PGBD5: variants seen among roughly 807,000 people sequenced by gnomAD.
PGBD5 encodes the protein piggyBac transposable element-derived protein 5.
Under a neutral mutation model 47.9 loss-of-function variants are expected in PGBD5, and 14 were observed. The observed-to-expected ratio is 0.29, with a 90% CI of 0.19 to 0.46. The LOEUF is 0.46. Ranked by LOEUF, PGBD5 falls within the 20% of genes least tolerant of loss-of-function variation. The probability of loss-of-function intolerance (pLI) is 1.00; values close to 1 mark genes in which losing one functional copy is unlikely to be tolerated. For missense variants in PGBD5, 635 were observed against 716.0 expected, an observed-to-expected ratio of 0.89 and a Z score of 1.29; for synonymous variants, 316 against 306.3, an observed-to-expected ratio of 1.03 and a Z score of -0.33.
chr1:230,403,175 C>G (rs1162523532), intron 1 of PGBD5, among the ~76,000 whole-genome samples: 2 of 152,214 alleles, frequency 1.3e-5, no homozygotes, highest in Non-Finnish European at 2.9e-5. Flanking sequence ...CCAAAGCACA[C>G]CCCATTCAAT....
chr1:230,341,378 T>C (rs916932366), intron 3 of PGBD5, among the ~76,000 whole-genome samples: 3 of 152,198 alleles, frequency 2.0e-5, no homozygotes, highest in Admixed American at 6.5e-5. Context: ...AGGTAGTAAC[T>C]TGTTTCCCTT....
chr1:230,383,746 G>T (rs1006308132), intron 1 of PGBD5, among the ~76,000 whole-genome samples: 2 of 152,224 alleles, frequency 1.3e-5, no homozygotes, highest in Non-Finnish European at 2.9e-5. Flanking sequence ...AGCACTGGGA[G>T]CCAGTGGCTT....
intron 1 of PGBD5, among the ~76,000 whole-genome samples, chr1:230,403,315 T>C (rs1014765589): frequency 1.3e-5 from 2 of 152,238 alleles, no homozygotes; most frequent in African/African-American, 4.8e-5. Flanking sequence ...CTGTCAATGT[T>C]TACTCTTTTC....
rs553127190 is a variant in PGBD5 at position 230,392,057 on chromosome 1, A to T, written c.331+33541T>A. 2.6e-5 allele frequency among the ~76,000 whole-genome samples: 4 copies of T among 152,344 alleles called. No homozygotes were observed. The South Asian group carries it at 8.3e-4, about 32-fold the overall frequency. Reference sequence around the variant, plus strand: ...AAAGGCTGGACCGAGGCTTACTAGGACTGTGAAGCTTCACTACCAGATCTC... The same window carrying T: ...AAAGGCTGGACCGAGGCTTACTAGGTCTGTGAAGCTTCACTACCAGATCTC... On this transcript the variant is annotated intron_variant, in intron 1 of 6. Transcript: ENST00000391860.
chr1:230,364,454 T>C (rs746679664), intron 1 of PGBD5, among the ~76,000 whole-genome samples: 9 of 152,226 alleles, frequency 5.9e-5, no homozygotes, highest in Non-Finnish European at 1.3e-4. Flanking sequence ...TTAGAAAACA[T>C]GCAGAAACTG....
Position 230,317,096 on chromosome 1 carries a change from C to A in PGBD5, c.*6329G>T, listed in dbSNP as rs1204210371. 6.6e-6 allele frequency: 1 copy of A among 152,270 alleles called. No individual in the cohort carries two copies. Among genetic ancestry groups the A allele is most frequent in the Non-Finnish European group, 1.5e-5 (1 of 68,108 alleles). 9.4% of individuals were successfully genotyped at this position (152,270 alleles called of 1,614,324 possible). On this transcript the variant is annotated 3_prime_UTR_variant, in exon 7 of 7. Transcript: ENST00000391860. The stretch of plus-strand genomic sequence containing the variant: ...CCAGCAGCAATGGTGACTGCCACCT[C>A]CCCCACACGGGGTCTCGGCCTCTGG...
chr1:230,360,085 G>A (rs543544204), intron 1 of PGBD5, among the ~76,000 whole-genome samples: 8 of 152,232 alleles, frequency 5.3e-5, no homozygotes, highest in Non-Finnish European at 1.2e-4. Context: ...TGCTCAAAGA[G>A]GAGGAAAACC....
chr1:230,417,405 C>A (rs942060388), intron 1 of PGBD5, among the ~76,000 whole-genome samples: 6 of 152,172 alleles, frequency 3.9e-5, no homozygotes, highest in African/African-American at 1.4e-4. Context: ...ACATCCATGC[C>A]TGAACCTGGA....
chr1:230,374,761 A>G (rs1483561107), intron 1 of PGBD5, among the ~76,000 whole-genome samples: 1 of 152,236 alleles, frequency 6.6e-6, no homozygotes, highest in Admixed American at 6.5e-5. Flanking sequence ...TTCATTTGCA[A>G]AACCAGAGAG....
intron 1 of PGBD5, among the ~76,000 whole-genome samples, chr1:230,367,271 G>A (rs1018281093): frequency 6.6e-6 from 1 of 152,170 alleles, no homozygotes; most frequent in African/African-American, 2.4e-5. Context: ...TGAGGCCACC[G>A]ATGCCCCCAA....
intron 1 of PGBD5, chr1:230,362,468 T>G: frequency 1.6e-6 from 2 of 1,215,480 alleles, no homozygotes; most frequent in Non-Finnish European, 2.1e-6. Flanking sequence ...GGCCTGATCC[T>G]CCTGGAAGGA....
At chr1:230,341,873 A>C (rs1558194430) in intron 3 of PGBD5, among the ~76,000 whole-genome samples, 1 of 152,150 alleles carries the variant, frequency 6.6e-6, no homozygotes, top group Non-Finnish European at 1.5e-5. Flanking sequence ...TTTCCTAAAA[A>C]GTTTTTTTGC....
intron 1 of PGBD5, among the ~76,000 whole-genome samples, chr1:230,366,034 T>C (rs1365378543): frequency 6.6e-6 from 1 of 152,224 alleles, no homozygotes; most frequent in Non-Finnish European, 1.5e-5. Flanking sequence ...GTCAAATGAA[T>C]GAACTCCTGC....
intron 1 of PGBD5, among the ~76,000 whole-genome samples, chr1:230,380,051 A>T (rs765517675): frequency 6.6e-6 from 1 of 152,212 alleles, no homozygotes; most frequent in African/African-American, 2.4e-5. Context: ...AGGCAATTCC[A>T]CAGAGCAGGG....
intron 1 of PGBD5, among the ~76,000 whole-genome samples, chr1:230,364,124 C>T (rs1667790775): frequency 6.6e-6 from 1 of 152,230 alleles, no homozygotes; most frequent in African/African-American, 2.4e-5. Flanking sequence ...TCTTTGTTCA[C>T]AACTAAGTGA....
chr1:230,388,415 ATT>A (rs1000234500), intron 1 of PGBD5, among the ~76,000 whole-genome samples: 47 of 134,426 alleles, frequency 3.5e-4, no homozygotes, highest in African/African-American at 6.0e-4. Flanking sequence ...TGTTGGCCAC[ATT>A]TTTTTTTTTT....
At chr1:230,358,944 C>G (rs1324876812) in intron 1 of PGBD5, among the ~76,000 whole-genome samples, 1 of 152,170 alleles carries the variant, frequency 6.6e-6, no homozygotes, top group Non-Finnish European at 1.5e-5. Flanking sequence ...TGTGTGTGTA[C>G]ACACATATAT....
intron 1 of PGBD5, among the ~76,000 whole-genome samples, chr1:230,422,757 G>C (rs1210740684): frequency 6.6e-6 from 1 of 152,164 alleles, no homozygotes; most frequent in African/African-American, 2.4e-5. Flanking sequence ...AAAGGGCTGG[G>C]AAGACAAGAA....
intron 1 of PGBD5, among the ~76,000 whole-genome samples, chr1:230,408,352 T>A (rs905274027): frequency 2.6e-4 from 39 of 152,302 alleles, no homozygotes; most frequent in African/African-American, 8.9e-4. Flanking sequence ...GTATCTTGTA[T>A]GTATGTATGC....
Sources: allele counts gnomAD v4.1 joint callset (sites outside exome capture counted in the v4.1 genomes callset), GRCh38; gene constraint gnomAD v4.1.1; transcripts MANE v1.5; gene names NCBI Gene and HGNC (gene_info 2026-07-23, HGNC 2026-07-21).